Variants in DNAJC11 observed in about 807,000 individuals in gnomAD.
The protein encoded by DNAJC11 is DnaJ heat shock protein family (Hsp40) member C11, also known as dnaJ homolog subfamily C member 11.
A neutral mutation model predicts 78.6 loss-of-function variants in DNAJC11; 15 were observed. The observed-to-expected ratio is 0.19, with a 90% CI of 0.13 to 0.29. The LOEUF (loss-of-function observed/expected upper bound fraction) is 0.29, where lower values mean the gene tolerates loss of function less well. Ranked by LOEUF, DNAJC11 falls within the 10% of genes least tolerant of loss-of-function variation. DNAJC11 has a pLI of 1.00. For synonymous variants in DNAJC11, 292 were observed against 272.1 expected (o/e 1.07, Z -0.72); for missense variants, 547 against 709.6 (o/e 0.77, Z 2.60).
intron 1 of DNAJC11, among the ~76,000 whole-genome samples, chr1:6,681,274 A>G (rs1438927165): frequency 1.3e-5 from 2 of 152,168 alleles, no homozygotes; most frequent in East Asian, 1.9e-4. Flanking sequence ...CTGCTATCCA[A>G]TGAATGAACG....
intron 3 of DNAJC11, among the ~76,000 whole-genome samples, chr1:6,671,140 G>C (rs1056658644): frequency 1.3e-5 from 2 of 152,220 alleles, no homozygotes; most frequent in African/African-American, 4.8e-5. Flanking sequence ...TCTGAATGCA[G>C]ACAGTTCCTC....
At chr1:6,663,841 G>A (rs1165661093) in intron 4 of DNAJC11, among the ~76,000 whole-genome samples, 2 of 152,204 alleles carry the variant, frequency 1.3e-5, no homozygotes, top group East Asian at 3.9e-4. Flanking sequence ...GGGGTCCAAA[G>A]ACTCAACCCA....
At chr1:6,668,027 G>A (rs1162828666) in intron 3 of DNAJC11, 2 of 533,462 alleles carry the variant, frequency 3.7e-6, no homozygotes, top group South Asian at 2.9e-5. Flanking sequence ...TCCCAAGGTT[G>A]AAATGAGTTT....
intron 1 of DNAJC11, among the ~76,000 whole-genome samples, chr1:6,700,580 C>G (rs1016284038): frequency 6.6e-6 from 1 of 152,200 alleles, no homozygotes; most frequent in Non-Finnish European, 1.5e-5. Flanking sequence ...TACTTAATCT[C>G]TCTATGCCTT....
intron 1 of DNAJC11, among the ~76,000 whole-genome samples, chr1:6,689,528 C>T (rs181619773): frequency 5.3e-5 from 8 of 152,208 alleles, no homozygotes; most frequent in African/African-American, 1.9e-4. Context: ...GGGCTCACGC[C>T]TGTAATCCCA....
rs759556473 is a variant in DNAJC11 at position 6,644,587 on chromosome 1, T to TC, written c.1067dup (p.Val357SerfsTer98). On this transcript the variant is annotated frameshift_variant, in exon 10 of 16. Coordinates refer to ENST00000377577, the MANE Select transcript of DNAJC11 (RefSeq NM_018198.4). LOFTEE classifies it high-confidence loss of function. Reference sequence around the variant, plus strand: ...CTTTGAGAGAAACACCCTGTGGAACTCCAACGCTGACAGCTGCACCCAAAA... The same window carrying TC: ...CTTTGAGAGAAACACCCTGTGGAACTCCCAACGCTGACAGCTGCACCCAAAA... 6.2e-7 allele frequency: 1 copy of TC among 1,614,150 alleles called. No homozygotes were observed. The highest frequency in any genetic ancestry group is 8.5e-7 in the Non-Finnish European group (1 of 1,179,982).
chr1:6,666,385 C>CTTTTTCTTTTTTTTT (rs1557478810), intron 4 of DNAJC11, among the ~76,000 whole-genome samples: 1 of 120,620 alleles, frequency 8.3e-6, no homozygotes. Flanking sequence ...TCTTTCTTTT[C>CTTTTTCTTTTTTTTT]TTTTTTTTTT....
In DNAJC11 at chr1:6,645,059, C is replaced by A. The variant is rs372201952; in HGVS notation, c.962G>T (p.Arg321Leu). 1 of 1,614,066 alleles carries A rather than the reference C, an allele frequency of 6.2e-7. No homozygotes were observed. The highest frequency in any genetic ancestry group is 2.2e-5 in the East Asian group (1 of 44,874). ...GACTTACTTGAGGGATCCTTTCACA[C>A]GAGTCTGATCGTCATCTTGGAATTT... ...QHKFQDDDQT[R>L]VKGSLKAGFF... Residue 321 changes from arginine to leucine, a missense_variant, in exon 9 of 16, where the codon CGT becomes CTT. Coordinates refer to ENST00000377577, the MANE Select transcript of DNAJC11 (RefSeq NM_018198.4). The surrounding 1 kb of genome is among the most constrained non-coding windows in gnomAD (Gnocchi z 4.1).
At chr1:6,654,719 C>T in intron 4 of DNAJC11, among the ~76,000 whole-genome samples, 1 of 151,936 alleles carries the variant, frequency 6.6e-6, no homozygotes, top group Non-Finnish European at 1.5e-5. Flanking sequence ...ACCATGGCCA[C>T]ACACATTTTT....
chr1:6,695,698 CT>C (rs1260321807), intron 1 of DNAJC11, among the ~76,000 whole-genome samples: 1 of 142,046 alleles, frequency 7.0e-6, no homozygotes, highest in Non-Finnish European at 1.5e-5. Flanking sequence ...ATCCCAGCTA[CT>C]TGGGAGGCTG....
At chr1:6,651,431 C>A in intron 7 of DNAJC11, 98 bp downstream of exon 7, 1 of 1,078,368 alleles carries the variant, frequency 9.3e-7, no homozygotes, top group Non-Finnish European at 1.4e-6. Flanking sequence ...GTAGGACAGA[C>A]AAGATAGTGC....
In DNAJC11 at chr1:6,653,207, G is replaced by A. The variant is rs1030444307; in HGVS notation, c.508-256C>T. Among the ~76,000 whole-genome samples, 1 of 152,108 alleles carries A rather than the reference G, an allele frequency of 6.6e-6. No individual in the cohort carries two copies. Among genetic ancestry groups the A allele is most frequent in the Non-Finnish European group, 1.5e-5 (1 of 68,014 alleles). Reference sequence around the variant, plus strand: ...ATTTCACAACACCAGGGGAAACATGGGGCTGCATGTCCCAATGGTATCAGA... The same window carrying A: ...ATTTCACAACACCAGGGGAAACATGAGGCTGCATGTCCCAATGGTATCAGA... On this transcript the variant is annotated intron_variant, in intron 5 of 15. Coordinates refer to ENST00000377577, the MANE Select transcript of DNAJC11 (RefSeq NM_018198.4). The surrounding 1 kb of genome is among the most constrained non-coding windows in gnomAD (Gnocchi z 4.5).
chr1:6,690,116 G>A (rs1642721613), intron 1 of DNAJC11, among the ~76,000 whole-genome samples: 1 of 152,152 alleles, frequency 6.6e-6, no homozygotes, highest in African/African-American at 2.4e-5. Context: ...CCGAAAGATT[G>A]TTAGAAACTA....
chr1:6,693,251 A>G (rs1642776522), intron 1 of DNAJC11, among the ~76,000 whole-genome samples: 1 of 152,154 alleles, frequency 6.6e-6, no homozygotes, highest in African/African-American at 2.4e-5. Flanking sequence ...CATACATTCT[A>G]GCACTATGAT....
intron 3 of DNAJC11, among the ~76,000 whole-genome samples, chr1:6,678,063 G>A (rs1249715709): frequency 6.6e-6 from 1 of 152,174 alleles, no homozygotes; most frequent in African/African-American, 2.4e-5. Context: ...CACCCTTGAA[G>A]AAATCGTCTC....
Position 6,638,293 on chromosome 1 carries a change from A to T in DNAJC11, c.1323+2T>A. ...GCTTGGGAACGGTGGGGCAGCACTC[A>T]CAGCGGACTCCGCCTCTTGCTTCTT... On this transcript the variant is annotated splice_donor_variant, in intron 12 of 15. Transcript: ENST00000377577. LOFTEE classifies it high-confidence loss of function. 1 of 1,612,696 alleles carries T rather than the reference A, an allele frequency of 6.2e-7. No individual in the cohort carries two copies. Among genetic ancestry groups the T allele is most frequent in the Non-Finnish European group, 8.5e-7 (1 of 1,179,080 alleles).
Position 6,637,343 on chromosome 1 carries a change from A to G in DNAJC11, c.1382-3T>C, listed in dbSNP as rs779501058. The G allele has an allele frequency of 6.2e-7, 1 of 1,614,210 alleles. No individual in the cohort carries two copies. The highest frequency in any genetic ancestry group is 8.5e-7 in the Non-Finnish European group (1 of 1,180,048). On this transcript the variant is annotated splice_polypyrimidine_tract_variant and splice_region_variant and intron_variant, in intron 13 of 15. Transcript: ENST00000377577. Reference sequence around the variant, plus strand: ...CCAGGCATTGACGATGATGAGGCCTAAGGACAGACTCCGAGTAGAGGAAGG... The same window carrying G: ...CCAGGCATTGACGATGATGAGGCCTGAGGACAGACTCCGAGTAGAGGAAGG...
chr1:6,638,585 CCT>C (rs1378603739), intron 11 of DNAJC11, among the ~76,000 whole-genome samples: 6 of 152,360 alleles, frequency 3.9e-5, no homozygotes, highest in Non-Finnish European at 7.3e-5. Context: ...TGCCCCACCT[CCT>C]CACCAAGCTG....
At chr1:6,687,080 G>A (rs534624729) in intron 1 of DNAJC11, among the ~76,000 whole-genome samples, 2 of 152,184 alleles carry the variant, frequency 1.3e-5, no homozygotes, top group Admixed American at 6.5e-5. Flanking sequence ...TGGTGCTTAC[G>A]CACTTTAAAA....
Sources: gnomAD v4.1 joint callset for allele counts (sites outside exome capture counted in the v4.1 genomes callset) on GRCh38, gnomAD v4.1.1 for gene constraint, Gnocchi (gnomAD v3.1) non-coding constraint, MANE v1.5 for transcripts, NCBI Gene and HGNC (gene_info 2026-07-23, HGNC 2026-07-21) for gene names.